The following COPS8 variants were observed in gnomAD, a reference collection of about 807,000 sequenced individuals.
The protein encoded by COPS8 is COP9 signalosome complex subunit 8.
Under a neutral mutation model 31.5 loss-of-function variants are expected in COPS8, and 11 were observed. The ratio of observed to expected loss-of-function variants is 0.35; its 90% CI spans 0.22 to 0.58. COPS8 has a LOEUF of 0.58. Ranked by LOEUF, COPS8 falls within the 20% of genes least tolerant of loss-of-function variation. The pLI is 0.83. For missense variants in COPS8, 215 were observed against 255.1 expected (o/e 0.84, Z 1.07); for synonymous variants, 81 against 89.3 (o/e 0.91, Z 0.52).
intron 4 of COPS8, among the ~76,000 whole-genome samples, chr2:237,091,171 G>A (rs965088528): frequency 2.6e-5 from 4 of 151,956 alleles, no homozygotes; most frequent in South Asian, 2.1e-4. Flanking sequence ...ATTCCTTCCC[G>A]GAGCCGCCTC....
At chr2:237,087,731 TA>T in intron 2 of COPS8, among the ~76,000 whole-genome samples, 1 of 152,256 alleles carries the variant, frequency 6.6e-6, no homozygotes, top group African/African-American at 2.4e-5. Context: ...GGAGTTTTGA[TA>T]CCAGCCTGGG....
intron 1 of COPS8, 25 bp from the exon 2 acceptor site, chr2:237,087,102 T>C (rs1464265841): frequency 1.3e-6 from 2 of 1,531,936 alleles, no homozygotes; most frequent in Non-Finnish European, 8.9e-7. Flanking sequence ...GTTGTTTTGT[T>C]TTGTTTTCAT....
intron 3 of COPS8, among the ~76,000 whole-genome samples, chr2:237,089,260 T>G (rs527661900): frequency 6.6e-6 from 1 of 152,358 alleles, no homozygotes; most frequent in Non-Finnish European, 1.5e-5. Context: ...TTTATTGATA[T>G]TCATCAAGAG....
chr2:237,085,928 C>T lies in COPS8; in HGVS notation c.-37C>T, dbSNP rs565120531. 3.1e-6 allele frequency: 5 copies of T among 1,598,952 alleles called. No homozygotes were observed. Among genetic ancestry groups the T allele is most frequent in the Non-Finnish European group, 4.3e-6 (5 of 1,170,608 alleles). On this transcript the variant is annotated 5_prime_UTR_variant, in exon 1 of 8. Transcript: ENST00000354371. ...GCCTGAGGGACAGTCTGGGGTTTGG[C>T]TGTCCGGACGGTGCAGCGGCGAGGC...
In COPS8 at chr2:237,095,853, C is replaced by T. The variant is rs1463679307; in HGVS notation, c.471C>T (p.Ser157=). The change falls in exon 6 of 8, where the codon TCC becomes TCT. Residue 157 remains serine, a synonymous_variant. Transcript: ENST00000354371. Reference sequence around the variant, plus strand: ...TAGAACAAGGATGGCAAGCTGATTCCACCACAAGAATGGTTCTGCCCAGAA... The same window carrying T: ...TAGAACAAGGATGGCAAGCTGATTCTACCACAAGAATGGTTCTGCCCAGAA... ...GILEQGWQAD[S]TTRMVLPRKP... The T allele has an allele frequency of 1.2e-6, 2 of 1,613,038 alleles. No homozygotes were observed. The highest frequency in any genetic ancestry group is 1.3e-5 in the African/African-American group (1 of 74,872).
At chr2:237,096,132 C>G (rs981311609) in intron 6 of COPS8, among the ~76,000 whole-genome samples, 1 of 152,108 alleles carries the variant, frequency 6.6e-6, no homozygotes, top group Admixed American at 6.5e-5. Context: ...TTAGTTTTTA[C>G]TAAATATTAA....
At chr2:237,088,526 G>A (rs1292798217) in intron 2 of COPS8, 79 bp from the exon 3 acceptor site, 2 of 1,003,414 alleles carry the variant, frequency 2.0e-6, no homozygotes, top group Non-Finnish European at 3.0e-6. Flanking sequence ...TGTTTGGCTT[G>A]GGACCTGGTA....
chr2:237,087,913 A>T (rs1388371225), intron 2 of COPS8, among the ~76,000 whole-genome samples: 2 of 151,324 alleles, frequency 1.3e-5, no homozygotes, highest in Non-Finnish European at 2.9e-5. Flanking sequence ...AGCCTGAGCA[A>T]CCAAAGTGAG....
At chr2:237,087,751 T>G (rs1696645509) in intron 2 of COPS8, among the ~76,000 whole-genome samples, 2 of 152,086 alleles carry the variant, frequency 1.3e-5, no homozygotes, top group Non-Finnish European at 1.5e-5. Context: ...GGGAATATAG[T>G]GAAACCCCGT....
chr2:237,091,306 C>G (rs1464723879), intron 4 of COPS8, among the ~76,000 whole-genome samples: 1 of 152,216 alleles, frequency 6.6e-6, no homozygotes, highest in East Asian at 1.9e-4. Flanking sequence ...AATTCTGATT[C>G]TGTCACTTAC....
rs989916590 is a variant in COPS8, at chr2:237,100,082, G to A, written c.*2340G>A. 5 of 152,088 alleles carry A rather than the reference G, an allele frequency of 3.3e-5. No homozygotes were observed. Among genetic ancestry groups the A allele is most frequent in the African/African-American group, 1.2e-4 (5 of 41,392 alleles). The allele number at this position is 152,088 out of a possible 1,614,324, so 9.4% of individuals were successfully genotyped here. On this transcript the variant is annotated 3_prime_UTR_variant, in exon 8 of 8. Transcript: ENST00000354371. ...TAAAGCAACAAAATCGAACCTGTAGGGTAGTCAAAAAGCTCATGCTGGAAA... is the reference window on the plus strand; with the variant it reads ...TAAAGCAACAAAATCGAACCTGTAGAGTAGTCAAAAAGCTCATGCTGGAAA...
At chr2:237,090,953 A>C (rs2106345177) in intron 4 of COPS8, among the ~76,000 whole-genome samples, 1 of 152,332 alleles carries the variant, frequency 6.6e-6, no homozygotes, top group Non-Finnish European at 1.5e-5. Context: ...GTAGCACCAG[A>C]AACCTCTTCA....
intron 2 of COPS8, among the ~76,000 whole-genome samples, chr2:237,088,338 T>C (rs1696654796): frequency 6.6e-6 from 1 of 152,236 alleles, no homozygotes; most frequent in Non-Finnish European, 1.5e-5. Context: ...TTTAGTGTGC[T>C]GTTGCCTAAA....
In COPS8 at chr2:237,085,905, C is replaced by T. The variant is rs1303402877; in HGVS notation, c.-60C>T. The stretch of plus-strand genomic sequence containing the variant: ...TTAAACGTCATCGCGGGCGCGACGC[C>T]TGAGGGACAGTCTGGGGTTTGGCTG... On this transcript the variant is annotated 5_prime_UTR_variant, in exon 1 of 8. Transcript: ENST00000354371. The T allele has an allele frequency of 5.8e-6, 9 of 1,539,642 alleles. No individual in the cohort carries two copies. The Admixed American group carries it at 1.3e-4, about 22-fold the overall frequency.
At chr2:237,089,388 A>G (rs1696670193) in intron 3 of COPS8, among the ~76,000 whole-genome samples, 1 of 152,202 alleles carries the variant, frequency 6.6e-6, no homozygotes, top group African/African-American at 2.4e-5. Context: ...TCATGCACAT[A>G]AGTTTCAATG....
At chr2:237,094,031 G>C in intron 4 of COPS8, 59 bp from the exon 5 acceptor site, 1 of 1,587,356 alleles carries the variant, frequency 6.3e-7, no homozygotes, top group Admixed American at 1.7e-5. Flanking sequence ...ATTTAACAAT[G>C]TGCTTTGAAA....
At position 237,098,892 on chromosome 2, in the gene COPS8, A is replaced by G. The variant is rs140939321; in HGVS notation, c.*1150A>G. 123 of 152,292 alleles carry G rather than the reference A, an allele frequency of 8.1e-4. 1 individual carries two copies. The highest frequency in any genetic ancestry group is 2.9e-3 in the African/African-American group (119 of 41,568). The allele number at this position is 152,292 out of a possible 1,614,324, so 9.4% of individuals were successfully genotyped here. ...AGTTTTTCTTAACATATATGGGAAT[A>G]CTTTTTGAATTGCAATTTTATTTAA... On this transcript the variant is annotated 3_prime_UTR_variant, in exon 8 of 8. Transcript: ENST00000354371.
Position 237,097,885 on chromosome 2 carries a change from A to T in COPS8, c.*143A>T. On this transcript the variant is annotated 3_prime_UTR_variant, in exon 8 of 8. Coordinates refer to ENST00000354371, the MANE Select transcript of COPS8 (RefSeq NM_006710.5). ...TGTGATAAAATACATATAGAATATA[A>T]GATATACTATATACATTTTGTCCAT... is the stretch of plus-strand genomic sequence containing the variant. The T allele has an allele frequency of 3.4e-6, 2 of 585,904 alleles. No homozygotes were observed. The highest frequency in any genetic ancestry group is 6.0e-6 in the Non-Finnish European group (2 of 331,190). 36.3% of individuals were successfully genotyped at this position (585,904 alleles called of 1,614,324 possible).
chr2:237,087,541 C>T (rs1696641564), intron 2 of COPS8: 1 of 291,880 alleles, frequency 3.4e-6, no homozygotes. Flanking sequence ...AGATTGCAGC[C>T]AAGAGGAATT....
Sources: allele counts gnomAD v4.1 joint callset (sites outside exome capture counted in the v4.1 genomes callset), GRCh38; gene constraint gnomAD v4.1.1; transcripts MANE v1.5; gene names NCBI Gene and HGNC (gene_info 2026-07-23, HGNC 2026-07-21).